CLHC1: variants seen among roughly 807,000 people sequenced by gnomAD.
CLHC1 encodes clathrin heavy chain linker domain containing 1, also known as clathrin heavy chain linker domain-containing protein 1.
In CLHC1, 72 loss-of-function variants were observed where a neutral mutation model predicts 69.5. The ratio of observed to expected loss-of-function variants is 1.04; its 90% CI spans 0.86 to 1.26. The LOEUF (loss-of-function observed/expected upper bound fraction) is 1.26. Among genes scored for constraint, CLHC1 ranks in the 50% most tolerant of loss-of-function variants. The pLI, the probability that CLHC1 is intolerant of heterozygous loss-of-function variation, is 0.00. For missense variants in CLHC1, 790 were observed against 679.3 expected (o/e 1.16, Z -1.81); for synonymous variants, 223 against 224.3 (o/e 0.99, Z 0.05).
chr2:55,180,645 C>A lies in CLHC1; in HGVS notation c.1249G>T (p.Ala417Ser). ...DYGEQDTYNK[A>S]KCLALAQIVY... ...ATCTGAGCTAAAGCCAGGCACTTGG[C>A]CTTGTTATAAGTATCCTGCTCCCCA... Residue 417 changes from alanine (A) to serine (S), a missense_variant, in exon 11 of 13, where the codon GCC becomes TCC. Coordinates refer to ENST00000401408, the MANE Select transcript of CLHC1 (RefSeq NM_152385.4). The A allele has an allele frequency of 6.2e-7, 1 of 1,614,014 alleles. No individual in the cohort carries two copies. The highest frequency in any genetic ancestry group is 8.5e-7 in the Non-Finnish European group (1 of 1,179,942).
Position 55,175,904 on chromosome 2 carries a change from A to T in CLHC1, c.1647T>A (p.Asn549Lys). The T allele has an allele frequency of 3.1e-6, 5 of 1,614,062 alleles. No homozygotes were observed. The highest frequency in any genetic ancestry group is 4.2e-6 in the Non-Finnish European group (5 of 1,179,936). ...WQEVANICSQ[N>K]GFDKLSNDIT... ...TGTCATTAGATAATTTGTCAAAGCCATTCTGTGAACATATATTTGCCACTT... is the reference window on the plus strand; with the variant it reads ...TGTCATTAGATAATTTGTCAAAGCCTTTCTGTGAACATATATTTGCCACTT... Residue 549 changes from asparagine (N) to lysine (K), a missense_variant, in exon 13 of 13, where the codon AAT (asparagine) becomes AAA (lysine). By Grantham distance (94) the Asn-to-Lys change is moderately conservative. Transcript: ENST00000401408.
intron 9 of CLHC1, among the ~76,000 whole-genome samples, chr2:55,189,022 A>G (rs1167707537): frequency 1.3e-5 from 2 of 152,216 alleles, no homozygotes; most frequent in Admixed American, 1.3e-4. Context: ...AAATAGTAAC[A>G]ATGTATATGA....
chr2:55,196,543 T>C (rs1255254709), intron 9 of CLHC1, among the ~76,000 whole-genome samples: 1 of 152,108 alleles, frequency 6.6e-6, no homozygotes, highest in East Asian at 1.9e-4. Context: ...GAGGCCCCTA[T>C]TCCAGGCCCC....
intron 8 of CLHC1, 53 bp downstream of exon 8, chr2:55,208,573 A>C (rs1348292556): frequency 1.5e-5 from 17 of 1,139,994 alleles, no homozygotes; most frequent in Non-Finnish European, 2.1e-5. Flanking sequence ...TTATTCACAA[A>C]GAATCTATGA....
chr2:55,188,635 A>T (rs1275489006), intron 9 of CLHC1, among the ~76,000 whole-genome samples: 1 of 152,182 alleles, frequency 6.6e-6, no homozygotes, highest in East Asian at 1.9e-4. Context: ...ATGCACCAGG[A>T]TATATTTTCA....
At chr2:55,190,117 T>G (rs1670778484) in intron 9 of CLHC1, among the ~76,000 whole-genome samples, 1 of 152,060 alleles carries the variant, frequency 6.6e-6, no homozygotes, top group African/African-American at 2.4e-5. Context: ...TGATCTCGGC[T>G]CACTGCAAGC....
At chr2:55,224,841 A>T in intron 2 of CLHC1, 1 of 294,232 alleles carries the variant, frequency 3.4e-6, no homozygotes, top group Non-Finnish European at 7.1e-6. Flanking sequence ...GTTCTCGGAC[A>T]TTGAGTGCAG....
At chr2:55,224,854 G>T (rs1674538816) in intron 2 of CLHC1, 1 of 260,978 alleles carries the variant, frequency 3.8e-6, no homozygotes. Context: ...GAGTGCAGCC[G>T]GGGCTGGGTC....
intron 9 of CLHC1, among the ~76,000 whole-genome samples, chr2:55,198,975 T>G (rs1671686264): frequency 6.6e-6 from 1 of 152,026 alleles, no homozygotes; most frequent in African/African-American, 2.4e-5. Flanking sequence ...GCTGAGGGAT[T>G]TCATCAACAT....
chr2:55,198,812 C>T (rs959140931), intron 9 of CLHC1, among the ~76,000 whole-genome samples: 6 of 152,056 alleles, frequency 3.9e-5, no homozygotes, highest in African/African-American at 1.2e-4. Context: ...TGTCTGGCAG[C>T]AGACATTTTA....
chr2:55,226,209 AAG>A (rs1324072583), intron 2 of CLHC1, among the ~76,000 whole-genome samples: 5 of 151,820 alleles, frequency 3.3e-5, no homozygotes, highest in African/African-American at 9.7e-5. Flanking sequence ...AAAAAAGAGA[AAG>A]AGTTTTTACT....
chr2:55,217,356 T>C (rs1479808878), intron 4 of CLHC1, among the ~76,000 whole-genome samples: 1 of 149,194 alleles, frequency 6.7e-6, no homozygotes, highest in Non-Finnish European at 1.5e-5. Flanking sequence ...TCTCTATTTT[T>C]AATATTAAAA....
intron 9 of CLHC1, among the ~76,000 whole-genome samples, chr2:55,184,800 G>A (rs1035603538): frequency 6.6e-6 from 1 of 151,794 alleles, no homozygotes; most frequent in Non-Finnish European, 1.5e-5. Context: ...ACCTACTCAG[G>A]AGGCTGAGGC....
chr2:55,224,601 G>A (rs1674509721), intron 2 of CLHC1: 1 of 254,120 alleles, frequency 3.9e-6, no homozygotes, highest in South Asian at 4.1e-5. Flanking sequence ...GGGATGAGAT[G>A]GGCCAGGGCG....
chr2:55,184,420 CAAGT>C (rs997292052), intron 9 of CLHC1, among the ~76,000 whole-genome samples: 2 of 152,012 alleles, frequency 1.3e-5, no homozygotes, highest in Non-Finnish European at 2.9e-5. Flanking sequence ...TCCTGTTTTT[CAAGT>C]AATAAAACTG....
At chr2:55,186,659 G>C (rs950222141) in intron 9 of CLHC1, among the ~76,000 whole-genome samples, 1 of 151,972 alleles carries the variant, frequency 6.6e-6, no homozygotes, top group African/African-American at 2.4e-5. Context: ...CCAGTATAGG[G>C]AGCTACTTGG....
chr2:55,196,293 T>C (rs1015407080), intron 9 of CLHC1, among the ~76,000 whole-genome samples: 9 of 152,202 alleles, frequency 5.9e-5, no homozygotes, highest in Non-Finnish European at 1.2e-4. Flanking sequence ...TAAGTACTAG[T>C]GCTGTGCTGG....
intron 9 of CLHC1, among the ~76,000 whole-genome samples, chr2:55,197,196 G>T (rs1303160915): frequency 6.6e-6 from 1 of 152,156 alleles, no homozygotes; most frequent in Admixed American, 6.5e-5. Flanking sequence ...ACAGTGCCAG[G>T]TAGATTCCTA....
At chr2:55,223,500 C>G (rs145950248) in intron 2 of CLHC1, among the ~76,000 whole-genome samples, 2,328 of 152,218 alleles carry the variant, frequency 0.015, 19 homozygotes, top group Middle Eastern at 0.038. Flanking sequence ...GGACTGAGTT[C>G]CGCGCCGGCG....
Sources: allele counts gnomAD v4.1 joint callset (sites outside exome capture counted in the v4.1 genomes callset), GRCh38; gene constraint gnomAD v4.1.1; transcripts MANE v1.5; gene names NCBI Gene and HGNC (gene_info 2026-07-23, HGNC 2026-07-21).